GRM1: variants seen among roughly 807,000 people sequenced by gnomAD.
The protein encoded by GRM1 is glutamate metabotropic receptor 1.
A neutral mutation model predicts 90.9 loss-of-function variants in GRM1; 33 were observed. The observed-to-expected ratio is 0.36, with a 90% CI of 0.28 to 0.49. The LOEUF (loss-of-function observed/expected upper bound fraction) is 0.49, where lower values mean the gene tolerates loss of function less well. Ranked by LOEUF, GRM1 falls within the 20% of genes least tolerant of loss-of-function variation. The probability of loss-of-function intolerance (pLI) is 0.99; values close to 1 mark genes in which losing one functional copy is unlikely to be tolerated. For missense variants in GRM1, 1,190 were observed against 1,534.3 expected, an observed-to-expected ratio of 0.78 and a Z score of 3.75; for synonymous variants, 700 against 613.2, an observed-to-expected ratio of 1.14 and a Z score of -2.09.
chr6:146,342,471 G>A (rs573128813), intron 3 of GRM1, among the ~76,000 whole-genome samples: 1 of 152,338 alleles, frequency 6.6e-6, no homozygotes, highest in Admixed American at 6.5e-5. Context: ...AACTAAGCAA[G>A]AGACAGAAGT....
At chr6:146,219,177 G>C (rs1240949425) in intron 2 of GRM1, among the ~76,000 whole-genome samples, 1 of 152,154 alleles carries the variant, frequency 6.6e-6, no homozygotes, top group African/African-American at 2.4e-5. Flanking sequence ...TCAAGATCTG[G>C]ATGAATTTGA....
chr6:146,392,802 T>C (rs1157105058), intron 6 of GRM1, among the ~76,000 whole-genome samples: 1 of 152,202 alleles, frequency 6.6e-6, no homozygotes, highest in African/African-American at 2.4e-5. Context: ...TTTCTGTTCC[T>C]GTGTTAGTTT....
At chr6:146,389,394 A>C (rs1033266814) in intron 6 of GRM1, among the ~76,000 whole-genome samples, 3 of 146,024 alleles carry the variant, frequency 2.1e-5, no homozygotes, top group African/African-American at 7.8e-5. Context: ...TTTCTATCCT[A>C]TTTTAAAACA....
rs952953540 is a variant in GRM1 at position 146,094,217 on chromosome 6, C to T, written c.700+64000C>T. ...AGGTCTCTACAAGCTAGAGAAAGTG[C>T]AAAGTATGAGAATGTAGCACAAAAT... On this transcript the variant is annotated intron_variant, in intron 1 of 7. Transcript: ENST00000282753. 4.6e-5 allele frequency among the ~76,000 whole-genome samples: 7 copies of T among 152,032 alleles called. 1 individual carries two copies. The highest frequency in any genetic ancestry group is 1.0e-4 in the Non-Finnish European group (7 of 67,998).
intron 2 of GRM1, among the ~76,000 whole-genome samples, chr6:146,231,959 C>T (rs1484644821): frequency 6.6e-6 from 1 of 152,028 alleles, no homozygotes; most frequent in Admixed American, 6.6e-5. Context: ...GTCTCCTCCA[C>T]TACATTCTGG....
chr6:146,329,682 G>C (rs1375180190), intron 3 of GRM1, among the ~76,000 whole-genome samples: 3 of 152,152 alleles, frequency 2.0e-5, no homozygotes, highest in Admixed American at 1.3e-4. Context: ...TAAGTTGAAA[G>C]TACTATAAAT....
intron 3 of GRM1, among the ~76,000 whole-genome samples, chr6:146,351,402 A>G (rs1483282118): frequency 6.6e-6 from 1 of 151,064 alleles, no homozygotes; most frequent in Non-Finnish European, 1.5e-5. Context: ...TGTTTTCCAA[A>G]CCTCTTACCT....
In GRM1 at chr6:146,379,222, T is replaced by C. The variant is rs74917805; in HGVS notation, c.1603-7668T>C. Among the ~76,000 whole-genome samples the C allele has an allele frequency of 2.5e-3, 383 of 152,298 alleles. 1 individual carries two copies. Among genetic ancestry groups the C allele is most frequent in the African/African-American group, 8.8e-3 (366 of 41,578 alleles). On this transcript the variant is annotated intron_variant, in intron 5 of 7. Coordinates refer to ENST00000282753, the MANE Select transcript of GRM1 (RefSeq NM_001278064.2). ...GCCTATAATCCTTAGATTTGCCCAT[T>C]TGAGGCTATTTACTAGTTTCTGTAG...
intron 1 of GRM1, among the ~76,000 whole-genome samples, chr6:146,156,035 T>C (rs1440907050): frequency 6.6e-6 from 1 of 152,158 alleles, no homozygotes; most frequent in African/African-American, 2.4e-5. Flanking sequence ...ATTTACTTGG[T>C]GTAGAGGATA....
rs1783517255 is a variant in GRM1, at chr6:146,304,797, C to T, written c.1137C>T (p.Arg379=). 1 of 1,613,958 alleles carries T rather than the reference C, an allele frequency of 6.2e-7. No individual in the cohort carries two copies. The highest frequency in any genetic ancestry group is 2.2e-5 in the East Asian group (1 of 44,882). Residue 379 remains arginine (R), a synonymous_variant, in exon 3 of 8, where the codon CGC becomes CGT. Transcript: ENST00000282753. ...TCTGGCAACATCGGTTCCAGTGCCG[C>T]CTTCCAGGACACCTTCTGGAAAATC... ...PEFWQHRFQC[R]LPGHLLENPN...
chr6:146,272,597 C>T (rs931520943), intron 2 of GRM1, among the ~76,000 whole-genome samples: 6 of 152,138 alleles, frequency 3.9e-5, no homozygotes, highest in African/African-American at 1.4e-4. Context: ...CATGAGAATA[C>T]TACAAATATT....
chr6:146,120,532 G>A (rs1209494173), intron 1 of GRM1, among the ~76,000 whole-genome samples: 3 of 152,180 alleles, frequency 2.0e-5, no homozygotes, highest in South Asian at 4.1e-4. Context: ...CAAAGGGAAT[G>A]CTTCCAGTTT....
chr6:146,225,458 G>C lies in GRM1; in HGVS notation c.950+65861G>C, dbSNP rs114850403. Among the ~76,000 whole-genome samples the C allele has an allele frequency of 9.1e-3, 1,378 of 152,202 alleles. 17 individuals are homozygous for C. Among genetic ancestry groups the C allele is most frequent in the African/African-American group, 0.027 (1,110 of 41,558 alleles). ...TATCAAACTCCTGATATGAAGGAAA[G>C]AAAAGGATAGCAAAACTGGTTTTTA... On this transcript the variant is annotated intron_variant, in intron 2 of 7. Coordinates refer to ENST00000282753, the MANE Select transcript of GRM1 (RefSeq NM_001278064.2).
intron 2 of GRM1, among the ~76,000 whole-genome samples, chr6:146,225,570 T>G (rs1019227994): frequency 2.6e-5 from 4 of 152,136 alleles, no homozygotes; most frequent in African/African-American, 9.7e-5. Context: ...GGGACTTCAA[T>G]CAGAAATATA....
rs546120018 is a variant in GRM1 at position 146,029,920 on chromosome 6, G to C, written c.403G>C (p.Asp135His). Residue 135 changes from aspartate (D) to histidine (H), a missense_variant, in exon 1 of 8, where the codon GAT becomes CAT. Asp to His is a moderately conservative substitution (Grantham distance 81, BLOSUM62 -1). Transcript: ENST00000282753. ...TCTGATTTCCATTCGAGATGAGAAG[G>C]ATGGGATCAACCGGTGTCTGCCTGA... Reference protein sequence around the residue: ...DSLISIRDEKDGINRCLPDGQ... With the variant: ...DSLISIRDEKHGINRCLPDGQ... 4.3e-6 allele frequency: 7 copies of C among 1,614,168 alleles called. No individual in the cohort carries two copies. In the African/African-American group the frequency reaches 9.3e-5, roughly 22 times the overall value.
intron 2 of GRM1, among the ~76,000 whole-genome samples, chr6:146,286,114 A>G (rs1782758571): frequency 6.6e-6 from 1 of 152,148 alleles, no homozygotes; most frequent in Non-Finnish European, 1.5e-5. Context: ...AACTGAATCA[A>G]CATTAAATTC....
At chr6:146,238,121 G>T (rs1562548773) in intron 2 of GRM1, among the ~76,000 whole-genome samples, 2 of 152,044 alleles carry the variant, frequency 1.3e-5, no homozygotes, top group Non-Finnish European at 1.5e-5. Context: ...CAATCTGTCT[G>T]CTCAGCAACA....
rs541479905 is a variant in GRM1, at chr6:146,150,742, C to G, written c.701-8606C>G. Among the ~76,000 whole-genome samples the G allele has an allele frequency of 5.7e-4, 87 of 152,222 alleles. 3 individuals are homozygous for G. The South Asian group carries it at 0.018, about 32-fold the overall frequency. On this transcript the variant is annotated intron_variant, in intron 1 of 7. Transcript: ENST00000282753. ...CCACTCCCAGCCTCTTCTGACCATC[C>G]TTCTACTCTATCTCCATGAGATTTA...
At position 146,219,944 on chromosome 6, in the gene GRM1, C is replaced by A. The variant is rs559499629; in HGVS notation, c.950+60347C>A. On this transcript the variant is annotated intron_variant, in intron 2 of 7. Transcript: ENST00000282753. ...GTGTGTGTGTGTGTATGCACTTGTGCACACATATGGGAGTGTATAAGCTTA... is the reference window on the plus strand; with the variant it reads ...GTGTGTGTGTGTGTATGCACTTGTGAACACATATGGGAGTGTATAAGCTTA... 1.1e-4 allele frequency among the ~76,000 whole-genome samples: 16 copies of A among 151,686 alleles called. No individual in the cohort carries two copies. The South Asian group carries it at 3.3e-3, about 32-fold the overall frequency.
Sources: gnomAD v4.1 joint callset for allele counts (sites outside exome capture counted in the v4.1 genomes callset) on GRCh38, gnomAD v4.1.1 for gene constraint, MANE v1.5 for transcripts, NCBI Gene and HGNC (gene_info 2026-07-23, HGNC 2026-07-21) for gene names.